Variants in RGS7BP observed in about 807,000 individuals in gnomAD.
RGS7BP encodes regulator of G protein signaling 7-binding protein.
RGS7BP carries 9 observed loss-of-function variants against 31.3 expected under a neutral mutation model. The observed-to-expected ratio is 0.29, with a 90% CI of 0.17 to 0.50. The LOEUF (loss-of-function observed/expected upper bound fraction) is 0.50. RGS7BP is among the 20% of genes least tolerant of loss of function. The pLI is 0.98. For synonymous variants in RGS7BP, 115 were observed against 120.1 expected (o/e 0.96, Z 0.28); for missense variants, 274 against 322.0 (o/e 0.85, Z 1.14).
At position 64,594,790 on chromosome 5, in the gene RGS7BP, T is replaced by C. The variant is rs762888735; in HGVS notation, c.544T>C (p.Ser182Pro). 3.7e-6 allele frequency: 6 copies of C among 1,613,742 alleles called. No individual in the cohort carries two copies. The East Asian group carries it at 6.7e-5, about 18-fold the overall frequency. Residue 182 changes from serine to proline, a missense_variant, in exon 4 of 6, where the codon TCA becomes CCA. Around this residue, in one of 3 missense-constraint regions of RGS7BP, gnomAD observed 112 missense variants for 130.9 expected, o/e 0.86. Coordinates refer to ENST00000334025, the MANE Select transcript of RGS7BP (RefSeq NM_001029875.3). ...TGAAACACCTGCCCTAGAAGACTCC[T>C]CATCATCCCCCGTAGATAGTCAGCA... ...SAETPALEDS[S>P]SSPVDSQQHS...
intron 2 of RGS7BP, among the ~76,000 whole-genome samples, chr5:64,541,819 C>T (rs1741532866): frequency 6.6e-6 from 1 of 151,946 alleles, no homozygotes; most frequent in Non-Finnish European, 1.5e-5. Flanking sequence ...CAAATACATT[C>T]CCCCAGTTTG....
intron 2 of RGS7BP, among the ~76,000 whole-genome samples, chr5:64,524,692 A>G (rs1009995459): frequency 6.6e-6 from 1 of 152,038 alleles, no homozygotes; most frequent in African/African-American, 2.4e-5. Flanking sequence ...TTATTATTGT[A>G]TTAGCCCCCA....
chr5:64,519,903 G>C (rs75159517), intron 2 of RGS7BP, among the ~76,000 whole-genome samples: 395 of 152,234 alleles, frequency 2.6e-3, no homozygotes, highest in African/African-American at 8.8e-3. Context: ...GTAGGTGGAT[G>C]GGAGCTGAGA....
chr5:64,583,059 A>T (rs1031388278), intron 3 of RGS7BP, among the ~76,000 whole-genome samples: 1 of 152,188 alleles, frequency 6.6e-6, no homozygotes, highest in African/African-American at 2.4e-5. Flanking sequence ...TATGTAAGGC[A>T]CTGTTCTGGG....
chr5:64,556,453 A>ACACACC (rs1741929799), intron 2 of RGS7BP, among the ~76,000 whole-genome samples: 1 of 150,486 alleles, frequency 6.6e-6, no homozygotes, highest in South Asian at 2.1e-4. Context: ...ACACACACAC[A>ACACACC]CACACACAAA....
intron 2 of RGS7BP, among the ~76,000 whole-genome samples, chr5:64,512,729 T>C (rs1431730692): frequency 6.6e-6 from 1 of 152,248 alleles, no homozygotes; most frequent in Non-Finnish European, 1.5e-5. Context: ...GAATAAATCT[T>C]TGTTTACCTT....
At chr5:64,580,161 C>T (rs1580451100) in intron 3 of RGS7BP, among the ~76,000 whole-genome samples, 1 of 152,124 alleles carries the variant, frequency 6.6e-6, no homozygotes, top group African/African-American at 2.4e-5. Flanking sequence ...GAGTATTAAA[C>T]TATAACAGAA....
intron 2 of RGS7BP, among the ~76,000 whole-genome samples, chr5:64,529,218 A>T (rs1201214498): frequency 6.6e-6 from 1 of 152,240 alleles, no homozygotes; most frequent in African/African-American, 2.4e-5. Context: ...CAAAAATAGA[A>T]TATTTCATTT....
intron 2 of RGS7BP, among the ~76,000 whole-genome samples, chr5:64,559,513 A>G (rs1742003158): frequency 6.6e-6 from 1 of 152,112 alleles, no homozygotes; most frequent in Admixed American, 6.6e-5. Flanking sequence ...GTGCCTTCTC[A>G]TCTTCAGCAT....
chr5:64,586,824 A>G (rs1742766852), intron 3 of RGS7BP, among the ~76,000 whole-genome samples: 1 of 152,220 alleles, frequency 6.6e-6, no homozygotes, highest in Non-Finnish European at 1.5e-5. Flanking sequence ...GTTTATCCAG[A>G]GATGTTGGAC....
intron 5 of RGS7BP, among the ~76,000 whole-genome samples, chr5:64,607,873 G>A (rs140892433): frequency 2.7e-5 from 4 of 150,686 alleles, no homozygotes; most frequent in African/African-American, 9.7e-5. Flanking sequence ...GGTGGTTGGG[G>A]GGTTTACAAT....
intron 2 of RGS7BP, among the ~76,000 whole-genome samples, chr5:64,546,617 A>T (rs1055689170): frequency 1.3e-5 from 2 of 152,182 alleles, no homozygotes; most frequent in African/African-American, 4.8e-5. Flanking sequence ...CATCTTTGAA[A>T]GAACTTTGTC....
chr5:64,587,112 A>G (rs1742777920), intron 3 of RGS7BP, among the ~76,000 whole-genome samples: 1 of 152,146 alleles, frequency 6.6e-6, no homozygotes, highest in African/African-American at 2.4e-5. Context: ...AACCTGAGCG[A>G]TCGTATAGGA....
chr5:64,539,778 A>G (rs1002301708), intron 2 of RGS7BP: 7 of 152,218 alleles, frequency 4.6e-5, no homozygotes, highest in African/African-American at 1.7e-4. Context: ...TCTGGGCAAC[A>G]TAGTGAAACC....
intron 5 of RGS7BP, among the ~76,000 whole-genome samples, chr5:64,606,435 C>A (rs1004287641): frequency 6.6e-6 from 1 of 152,032 alleles, no homozygotes; most frequent in African/African-American, 2.4e-5. Flanking sequence ...GAAAATAGAT[C>A]TTCCAAGTCT....
At chr5:64,527,163 C>G (rs941003203) in intron 2 of RGS7BP, among the ~76,000 whole-genome samples, 1 of 152,208 alleles carries the variant, frequency 6.6e-6, no homozygotes, top group East Asian at 1.9e-4. Flanking sequence ...CCCTGTTTAA[C>G]TTGCAGAAGC....
At chr5:64,509,969 G>T (rs955684595) in intron 2 of RGS7BP, among the ~76,000 whole-genome samples, 4 of 152,162 alleles carry the variant, frequency 2.6e-5, no homozygotes, top group African/African-American at 9.7e-5. Context: ...TCTGGGCTCC[G>T]TTAATGAAGG....
intron 4 of RGS7BP, 43 bp downstream of exon 4, chr5:64,594,900 C>T (rs775810576): frequency 3.8e-6 from 6 of 1,596,798 alleles, no homozygotes; most frequent in East Asian, 2.2e-5. Flanking sequence ...ATCCTCCTCC[C>T]GTTAATGTTC....
chr5:64,552,287 T>C (rs1328463048), intron 2 of RGS7BP, among the ~76,000 whole-genome samples: 1 of 152,150 alleles, frequency 6.6e-6, no homozygotes, highest in South Asian at 2.1e-4. Context: ...TTTTCAGAAA[T>C]GGTTACTCTT....
Sources: gnomAD v4.1 joint callset for allele counts (sites outside exome capture counted in the v4.1 genomes callset) on GRCh38, gnomAD v4.1.1 for gene constraint, gnomAD v4.1.1 regional missense constraint, MANE v1.5 for transcripts, NCBI Gene and HGNC (gene_info 2026-07-23, HGNC 2026-07-21) for gene names.